The following PDZRN4 variants were observed in gnomAD, a reference collection of about 807,000 sequenced individuals.
PDZRN4 encodes PDZ domain-containing RING finger protein 4.
Under a neutral mutation model 99.0 loss-of-function variants are expected in PDZRN4, and 70 were observed. That is an observed-to-expected ratio of 0.71 (90% CI 0.58 to 0.86). The LOEUF is 0.86. Ranked by LOEUF, PDZRN4 falls within the 40% of genes least tolerant of loss-of-function variation. The pLI, the probability that PDZRN4 is intolerant of heterozygous loss-of-function variation, is 0.00. For missense variants in PDZRN4, 1,474 were observed against 1,331.2 expected, an observed-to-expected ratio of 1.11 and a Z score of -1.67; for synonymous variants, 551 against 501.6, an observed-to-expected ratio of 1.10 and a Z score of -1.32.
chr12:41,478,128 T>A (rs1026688927), intron 3 of PDZRN4, among the ~76,000 whole-genome samples: 2 of 152,154 alleles, frequency 1.3e-5, no homozygotes, highest in African/African-American at 4.8e-5. Context: ...GTTTTTTGTT[T>A]TTTTGGAGAC....
intron 3 of PDZRN4, among the ~76,000 whole-genome samples, chr12:41,367,419 G>A (rs1419825975): frequency 1.3e-5 from 2 of 152,080 alleles, no homozygotes; most frequent in African/African-American, 4.8e-5. Flanking sequence ...TGAGGCAGGA[G>A]AATTGCTTGA....
intron 3 of PDZRN4, among the ~76,000 whole-genome samples, chr12:41,434,731 A>G (rs1285783670): frequency 1.3e-5 from 2 of 152,326 alleles, no homozygotes; most frequent in East Asian, 3.9e-4. Flanking sequence ...ATCTTGAAAT[A>G]CACACACGAC....
At chr12:41,547,164 G>C (rs2120784199) in intron 5 of PDZRN4, among the ~76,000 whole-genome samples, 1 of 148,204 alleles carries the variant, frequency 6.7e-6, no homozygotes, top group Non-Finnish European at 1.5e-5. Context: ...AAATAGAGAA[G>C]GGGGAAAAAA....
At chr12:41,314,613 A>G (rs1168803583) in intron 3 of PDZRN4, among the ~76,000 whole-genome samples, 4 of 152,214 alleles carry the variant, frequency 2.6e-5, no homozygotes. Flanking sequence ...AATTTCATGC[A>G]TGAATAAAAA....
At position 41,574,114 on chromosome 12, in the gene PDZRN4, A is replaced by T. The variant is rs539422140; in HGVS notation, c.*224A>T. 2.3e-5 allele frequency: 8 copies of T among 345,472 alleles called. No homozygotes were observed. The highest frequency in any genetic ancestry group is 7.9e-4 in the Middle Eastern group (1 of 1,272). 21.4% of individuals were successfully genotyped at this position (345,472 alleles called of 1,614,324 possible). On this transcript the variant is annotated 3_prime_UTR_variant, in exon 10 of 10. Coordinates refer to ENST00000402685, the MANE Select transcript of PDZRN4 (RefSeq NM_001164595.2). ...CTTTTACTTGTGATATATTCATATT[A>T]CTCGTTTATAAAAAATCAAAAACAA... is the stretch of plus-strand genomic sequence containing the variant.
intron 3 of PDZRN4, among the ~76,000 whole-genome samples, chr12:41,439,163 T>A (rs1166202391): frequency 1.3e-5 from 2 of 152,214 alleles, no homozygotes; most frequent in Non-Finnish European, 2.9e-5. Context: ...CTGCATTAAT[T>A]AAATATAAAA....
chr12:41,419,656 C>T (rs1325320436), intron 3 of PDZRN4, among the ~76,000 whole-genome samples: 3 of 152,038 alleles, frequency 2.0e-5, no homozygotes, highest in Non-Finnish European at 4.4e-5. Flanking sequence ...GAGTGGGGTA[C>T]ATTAGTGTTA....
intron 3 of PDZRN4, among the ~76,000 whole-genome samples, chr12:41,218,208 T>A (rs1267113559): frequency 6.6e-6 from 1 of 152,130 alleles, no homozygotes; most frequent in Non-Finnish European, 1.5e-5. Context: ...TTTTGTCTGT[T>A]ATATGACTCT....
At chr12:41,551,039 G>T (rs1001678594) in intron 5 of PDZRN4, among the ~76,000 whole-genome samples, 1 of 152,072 alleles carries the variant, frequency 6.6e-6, no homozygotes, top group Non-Finnish European at 1.5e-5. Context: ...TTTTGTCTTT[G>T]TACATTTGGG....
intron 5 of PDZRN4, among the ~76,000 whole-genome samples, chr12:41,550,987 T>C (rs1939043180): frequency 6.6e-6 from 1 of 152,212 alleles, no homozygotes; most frequent in South Asian, 2.1e-4. Flanking sequence ...CTTCATTTTG[T>C]ACTGGTAACT....
At chr12:41,332,392 A>G (rs1384042016) in intron 3 of PDZRN4, among the ~76,000 whole-genome samples, 1 of 152,078 alleles carries the variant, frequency 6.6e-6, no homozygotes, top group African/African-American at 2.4e-5. Context: ...TAAGGAGGGA[A>G]TTTAATGGAA....
At chr12:41,307,610 ATT>A (rs10542756) in intron 3 of PDZRN4, among the ~76,000 whole-genome samples, 63,570 of 147,158 alleles carry the variant, frequency 0.43, 14,529 homozygotes, top group African/African-American at 0.61. Flanking sequence ...GGAGAGCCAG[ATT>A]TTTTTTTTTT....
intron 3 of PDZRN4, among the ~76,000 whole-genome samples, chr12:41,361,053 A>G (rs1951960914): frequency 6.6e-6 from 1 of 152,024 alleles, no homozygotes; most frequent in Admixed American, 6.6e-5. Context: ...ACATATTTAT[A>G]CATCTTACAC....
At position 41,392,404 on chromosome 12, in the gene PDZRN4, T is replaced by C. The variant is rs528421410; in HGVS notation, c.844-114052T>C. Reference sequence around the variant, plus strand: ...TACTTTCTATTCTATAATATATATGTATATTATATTCTGTTTCAATATTTC... The same window carrying C: ...TACTTTCTATTCTATAATATATATGCATATTATATTCTGTTTCAATATTTC... On this transcript the variant is annotated intron_variant, in intron 3 of 9. Transcript: ENST00000402685. Among the ~76,000 whole-genome samples, 32 of 152,318 alleles carry C rather than the reference T, an allele frequency of 2.1e-4. No individual in the cohort carries two copies. The South Asian group carries it at 6.6e-3, about 32-fold the overall frequency.
chr12:41,209,928 T>C (rs1950877279), intron 3 of PDZRN4, among the ~76,000 whole-genome samples: 1 of 149,658 alleles, frequency 6.7e-6, no homozygotes, highest in South Asian at 2.2e-4. Context: ...CCACACTGAC[T>C]TCCACAATGG....
chr12:41,221,080 T>C (rs976975843), intron 3 of PDZRN4, among the ~76,000 whole-genome samples: 3 of 152,184 alleles, frequency 2.0e-5, no homozygotes, highest in African/African-American at 4.8e-5. Flanking sequence ...TTGGCCTTGC[T>C]CTCTCTCTTT....
chr12:41,432,341 T>A (rs144542364), intron 3 of PDZRN4, among the ~76,000 whole-genome samples: 1 of 152,250 alleles, frequency 6.6e-6, no homozygotes, highest in Non-Finnish European at 1.5e-5. Flanking sequence ...CCTTTCAGCC[T>A]TTTAACTTAA....
chr12:41,239,135 A>G (rs182810039), intron 3 of PDZRN4, among the ~76,000 whole-genome samples: 76 of 152,344 alleles, frequency 5.0e-4, no homozygotes, highest in African/African-American at 1.8e-3. Flanking sequence ...ATGCAGCCAT[A>G]AAAAGGAACA....
intron 3 of PDZRN4, among the ~76,000 whole-genome samples, chr12:41,502,241 G>T (rs1434464767): frequency 1.3e-5 from 2 of 152,012 alleles, no homozygotes; most frequent in African/African-American, 4.8e-5. Flanking sequence ...TTGTACACTA[G>T]TTGCCCGGTT....
Sources: gnomAD v4.1 joint callset for allele counts (sites outside exome capture counted in the v4.1 genomes callset) on GRCh38, gnomAD v4.1.1 for gene constraint, MANE v1.5 for transcripts, NCBI Gene and HGNC (gene_info 2026-07-23, HGNC 2026-07-21) for gene names.